STMN2: variants seen among roughly 807,000 people sequenced by gnomAD.
STMN2 encodes stathmin-2.
In STMN2, 2 loss-of-function variants were observed where a neutral mutation model predicts 24.1. The observed-to-expected ratio is 0.08, with a 90% CI of 0.03 to 0.26. The LOEUF (loss-of-function observed/expected upper bound fraction) is 0.26, where lower values mean the gene tolerates loss of function less well. Ranked by LOEUF, STMN2 falls within the 10% of genes least tolerant of loss-of-function variation. The pLI, the probability that STMN2 is intolerant of heterozygous loss-of-function variation, is 1.00. For missense variants in STMN2, 114 were observed against 213.6 expected (o/e 0.53, Z 2.91); for synonymous variants, 83 against 77.5 (o/e 1.07, Z -0.37).
chr8:79,618,243 A>C (rs1163594109), intron 1 of STMN2, among the ~76,000 whole-genome samples: 1 of 152,222 alleles, frequency 6.6e-6, no homozygotes, highest in Non-Finnish European at 1.5e-5. Context: ...TTATTCAAAT[A>C]ATTGCCATGA....
intron 1 of STMN2, chr8:79,613,425 C>A (rs1426314239): frequency 1.0e-6 from 1 of 985,322 alleles, no homozygotes; most frequent in Non-Finnish European, 1.2e-6. Flanking sequence ...CCGGGGAGAC[C>A]GGTTTCTGCG....
At chr8:79,627,080 T>G (rs1430400857) in intron 1 of STMN2, among the ~76,000 whole-genome samples, 1 of 152,182 alleles carries the variant, frequency 6.6e-6, no homozygotes, top group Non-Finnish European at 1.5e-5. Context: ...AATGTATATA[T>G]CCTCTGTTTG....
chr8:79,620,693 C>T (rs1051313037), intron 1 of STMN2, among the ~76,000 whole-genome samples: 1 of 152,058 alleles, frequency 6.6e-6, no homozygotes, highest in Admixed American at 6.6e-5. Context: ...CTAGTAACAT[C>T]AACTAGGAAG....
At chr8:79,655,890 TCACC>T (rs1017078026) in intron 4 of STMN2, among the ~76,000 whole-genome samples, 16 of 152,174 alleles carry the variant, frequency 1.1e-4, no homozygotes, top group African/African-American at 3.4e-4. Flanking sequence ...GAGCAGTCAG[TCACC>T]CTTCCCGCCA....
intron 2 of STMN2, among the ~76,000 whole-genome samples, chr8:79,639,479 C>T (rs765641441): frequency 4.6e-5 from 7 of 152,090 alleles, no homozygotes; most frequent in Admixed American, 2.0e-4. Context: ...GGCTGACCAG[C>T]GAGGTTCTTT....
chr8:79,619,243 A>G (rs1477752156), intron 1 of STMN2, among the ~76,000 whole-genome samples: 1 of 152,176 alleles, frequency 6.6e-6, no homozygotes, highest in Non-Finnish European at 1.5e-5. Context: ...TTTTAGTTGT[A>G]TGTCTTTATA....
At chr8:79,632,503 G>T (rs889278748) in intron 1 of STMN2, among the ~76,000 whole-genome samples, 1 of 152,138 alleles carries the variant, frequency 6.6e-6, no homozygotes, top group Non-Finnish European at 1.5e-5. Context: ...CAGATCCTGG[G>T]CCTCGTCAGC....
intron 3 of STMN2, among the ~76,000 whole-genome samples, chr8:79,643,901 G>T (rs1810163361): frequency 6.6e-6 from 1 of 151,554 alleles, no homozygotes; most frequent in Non-Finnish European, 1.5e-5. Flanking sequence ...TAAACATTTT[G>T]TAATGCAAAA....
chr8:79,634,514 A>C, intron 1 of STMN2, among the ~76,000 whole-genome samples: 1 of 152,242 alleles, frequency 6.6e-6, no homozygotes. Context: ...AATCATAGGC[A>C]AATGATATTT....
chr8:79,629,298 ATATATT>A (rs1312639663), intron 1 of STMN2, among the ~76,000 whole-genome samples: 2 of 152,144 alleles, frequency 1.3e-5, no homozygotes, highest in Admixed American at 6.5e-5. Context: ...ATAAAATAGA[ATATATT>A]TATTCTATTC....
chr8:79,612,912 C>A (rs574924487), intron 1 of STMN2, among the ~76,000 whole-genome samples: 2 of 152,160 alleles, frequency 1.3e-5, no homozygotes, highest in African/African-American at 4.8e-5. Context: ...ACGGCCCGAG[C>A]ACCCCTTGAT....
In STMN2 at chr8:79,631,539, G is replaced by T. The variant is rs976128773; in HGVS notation, c.20-5263G>T. ...AGTGATCTTCTGATATGTTAAAAAG[G>T]GTATTTTAAAATCTGAGTTATTTCT... On this transcript the variant is annotated intron_variant, in intron 1 of 4. Transcript: ENST00000220876. 3 of 775,832 alleles carry T rather than the reference G, an allele frequency of 3.9e-6. No homozygotes were observed. The African/African-American group carries it at 5.7e-5, about 15-fold the overall frequency. 48.1% of individuals were successfully genotyped at this position (775,832 alleles called of 1,614,324 possible).
rs375926301 is a variant in STMN2 at position 79,664,887 on chromosome 8, T to C, written c.*13T>C. 9 of 1,611,612 alleles carry C rather than the reference T, an allele frequency of 5.6e-6. No homozygotes were observed. Among genetic ancestry groups the C allele is most frequent in the Non-Finnish European group, 7.6e-6 (9 of 1,179,020 alleles). ...ACTGTCTGGCTGAAGCAAGGGAGGG[T>C]CTGGCACGCCCCACCAATAGTAAAT... On this transcript the variant is annotated 3_prime_UTR_variant, in exon 5 of 5. Coordinates refer to ENST00000220876, the MANE Select transcript of STMN2 (RefSeq NM_007029.4).
At chr8:79,661,651 C>T (rs928001034) in intron 4 of STMN2, among the ~76,000 whole-genome samples, 7 of 152,094 alleles carry the variant, frequency 4.6e-5, no homozygotes, top group Admixed American at 2.0e-4. Flanking sequence ...ATCCAAACAA[C>T]AACCTAAAAG....
At chr8:79,656,065 A>G (rs58967841) in intron 4 of STMN2, among the ~76,000 whole-genome samples, 7,019 of 152,282 alleles carry the variant, frequency 0.046, 258 homozygotes, top group South Asian at 0.13. Context: ...CTAAGGTTCA[A>G]AAAACCTTAT....
intron 1 of STMN2, among the ~76,000 whole-genome samples, chr8:79,625,224 C>A (rs909160611): frequency 6.6e-6 from 1 of 152,136 alleles, no homozygotes; most frequent in Non-Finnish European, 1.5e-5. Context: ...GCACTATAGA[C>A]TTTTCTCTTA....
In STMN2 at chr8:79,662,703, T is replaced by C. The variant is rs192353522; in HGVS notation, c.481-2112T>C. ...TTATTCTTTCCTATGGCAAAATCCA[T>C]TTTGTTAACACTAATTTTGAGTTTA... On this transcript the variant is annotated intron_variant, in intron 4 of 4. Coordinates refer to ENST00000220876, the MANE Select transcript of STMN2 (RefSeq NM_007029.4). Among the ~76,000 whole-genome samples, 4 of 152,216 alleles carry C rather than the reference T, an allele frequency of 2.6e-5. No homozygotes were observed. In the East Asian group the frequency reaches 7.7e-4, roughly 29 times the overall value.
In STMN2 at chr8:79,636,827, G is replaced by T. The variant is rs774660788; in HGVS notation, c.45G>T (p.Leu15=). 8.7e-6 allele frequency: 14 copies of T among 1,613,766 alleles called. No individual in the cohort carries two copies. The highest frequency in any genetic ancestry group is 3.3e-4 in the Middle Eastern group (2 of 6,054). Residue 15 remains leucine, a synonymous_variant, in exon 2 of 5, where the codon CTG becomes CTT. Transcript: ENST00000220876. ...AMAYKEKMKE[L]SMLSLICSCF... Reference sequence around the variant, plus strand: ...CCTACAAGGAAAAAATGAAGGAGCTGTCCATGCTGTCACTGATCTGCTCTT... The same window carrying T: ...CCTACAAGGAAAAAATGAAGGAGCTTTCCATGCTGTCACTGATCTGCTCTT...
chr8:79,635,172 G>GA (rs562619893), intron 1 of STMN2, among the ~76,000 whole-genome samples: 113 of 152,258 alleles, frequency 7.4e-4, no homozygotes, highest in Middle Eastern at 3.4e-3. Flanking sequence ...GCTTCCTAGA[G>GA]AAAAAATGAG....
Sources: allele counts gnomAD v4.1 joint callset (sites outside exome capture counted in the v4.1 genomes callset), GRCh38; gene constraint gnomAD v4.1.1; transcripts MANE v1.5; gene names NCBI Gene and HGNC (gene_info 2026-07-23, HGNC 2026-07-21).